Variants in APOB observed in about 807,000 individuals in gnomAD.
APOB encodes the protein apolipoprotein B-100.
In APOB, 153 loss-of-function variants were observed where a neutral mutation model predicts 314.1. The observed-to-expected ratio is 0.49, with a 90% CI of 0.43 to 0.56. The LOEUF (loss-of-function observed/expected upper bound fraction) is 0.56. APOB is among the 20% of genes least tolerant of loss of function. APOB has a pLI of 0.00. For missense variants in APOB, 5,430 were observed against 5,350.7 expected, an observed-to-expected ratio of 1.01 and a Z score of -0.46; for synonymous variants, 2,087 against 2,036.4, an observed-to-expected ratio of 1.02 and a Z score of -0.67.
chr2:21,003,052 C>A lies in APOB; in HGVS notation c.12370G>T (p.Asp4124Tyr). The A allele has an allele frequency of 6.4e-7, 1 of 1,569,480 alleles. No individual in the cohort carries two copies. Among genetic ancestry groups the A allele is most frequent in the South Asian group, 1.2e-5 (1 of 82,936 alleles). The change falls in exon 29 of 29, where the codon GAT (aspartate) becomes TAT (tyrosine). Residue 4124 changes from aspartate (D) to tyrosine (Y), a missense_variant. Asp to Tyr is a radical substitution (Grantham distance 160, BLOSUM62 -3). This residue lies in a region of APOB where 3,281 missense variants were observed against 3,171.0 expected (regional missense o/e 1.03). Coordinates refer to ENST00000233242, the MANE Select transcript of APOB (RefSeq NM_000384.3). ...TTCTGGAACCTCACGTCGATATCAT[C>A]AATTTGCCTAATGGCCCCTTGATAA... ...WVYQGAIRQI[D>Y]DIDVRFQKAA... is the part of the protein sequence containing the mutation.
At chr2:21,033,920 A>C (rs557913715) in intron 8 of APOB, among the ~76,000 whole-genome samples, 2 of 152,340 alleles carry the variant, frequency 1.3e-5, no homozygotes, top group East Asian at 3.9e-4. Flanking sequence ...TAAGAGGTAG[A>C]GCTAAAGTGG....
Position 21,008,913 on chromosome 2 carries a change from A to G in APOB, c.7955T>C (p.Ile2652Thr), listed in dbSNP as rs1221037514. The G allele has an allele frequency of 6.2e-7, 1 of 1,614,074 alleles. No homozygotes were observed. The highest frequency in any genetic ancestry group is 8.5e-7 in the Non-Finnish European group (1 of 1,179,950). The change falls in exon 26 of 29, where the codon ATC becomes ACC. Residue 2652 changes from isoleucine (I) to threonine (T), a missense_variant. By Grantham distance (89) the Ile-to-Thr change is moderately conservative. This residue lies in a region of APOB where 3,281 missense variants were observed against 3,171.0 expected (regional missense o/e 1.03). Coordinates refer to ENST00000233242, the MANE Select transcript of APOB (RefSeq NM_000384.3). ...PSRFSTPEFT[I>T]LNTFHIPSFT... ...GGAAGGAATGTGGAAGGTGTTAAGG[A>G]TGGTAAATTCTGGTGTGGAAAACCT...
At position 21,016,461 on chromosome 2, in the gene APOB, C is replaced by A. The variant is rs751879781; in HGVS notation, c.3310G>T (p.Val1104Phe). ...TACCTTAGGTGGCCCATGAGGGCGA[C>A]CTCAGTAATTTTCTTGTTCTGAATG... is the stretch of plus-strand genomic sequence containing the variant. ...LDIQNKKITE[V>F]ALMGHLSCDT... The change falls in exon 21 of 29, where the codon GTC becomes TTC. Residue 1104 changes from valine to phenylalanine, a missense_variant. Physicochemically the swap from Val to Phe is conservative, Grantham distance 50 (BLOSUM62 -1). Transcript: ENST00000233242. 1.2e-6 allele frequency: 2 copies of A among 1,609,214 alleles called. No homozygotes were observed. The highest frequency in any genetic ancestry group is 2.2e-5 in the South Asian group (2 of 90,992).
In APOB at chr2:21,007,475, T is replaced by C; in HGVS notation, c.9393A>G (p.Thr3131=). Residue 3131 remains threonine (T), a synonymous_variant, in exon 26 of 29, where the codon ACA becomes ACG. Transcript: ENST00000233242. ...TGTAAGGTAGACGCATTTCAGGAAT[T>C]GTTAAAGGAATGTTTAAGAAATCCA... ...ANLDFLNIPL[T]IPEMRLPYTI... The C allele has an allele frequency of 6.2e-7, 1 of 1,614,126 alleles. No individual in the cohort carries two copies. Among genetic ancestry groups the C allele is most frequent in the Admixed American group, 1.7e-5 (1 of 60,008 alleles).
chr2:21,005,831 G>C lies in APOB; in HGVS notation c.11037C>G (p.Val3679=). ...GGAAATCCCATAAGCTCTTGTCATA[G>C]ACTGGTAGGATGATATTTTTGAGGA... ...LRFLKNIILP[V]YDKSLWDFLK... Residue 3679 remains valine, a synonymous_variant, in exon 26 of 29, where the codon GTC becomes GTG. Transcript: ENST00000233242. 1 of 1,614,060 alleles carries C rather than the reference G, an allele frequency of 6.2e-7. No individual in the cohort carries two copies. The highest frequency in any genetic ancestry group is 8.5e-7 in the Non-Finnish European group (1 of 1,179,950).
chr2:21,029,503 G>A, intron 12 of APOB, 136 bp downstream of exon 12: 2 of 959,768 alleles, frequency 2.1e-6, no homozygotes, highest in Non-Finnish European at 3.2e-6. Context: ...GAGGAAGGAA[G>A]GAAGGAAGGA....
At chr2:21,039,544 GT>G (rs1374041822) in intron 4 of APOB, among the ~76,000 whole-genome samples, 1 of 152,202 alleles carries the variant, frequency 6.6e-6, no homozygotes, top group Non-Finnish European at 1.5e-5. Flanking sequence ...CTCTCAGAAA[GT>G]TCCCAACACG....
intron 20 of APOB, among the ~76,000 whole-genome samples, chr2:21,018,697 G>A (rs1036372273): frequency 1.3e-5 from 2 of 152,038 alleles, no homozygotes; most frequent in African/African-American, 2.4e-5. Context: ...ACCAGTCTAC[G>A]CTCTGTTTTC....
chr2:21,002,707 A>G lies in APOB; in HGVS notation c.12715T>C (p.Ser4239Pro), dbSNP rs769409367. 6.2e-7 allele frequency: 1 copy of G among 1,613,716 alleles called. No individual in the cohort carries two copies. Among genetic ancestry groups the G allele is most frequent in the African/African-American group, 1.3e-5 (1 of 74,966 alleles). ...SQVYSKVHNG[S>P]EILFSYFQDL... is the part of the protein sequence containing the mutation. ...TGGAAATAGGAAAACAGTATTTCTG[A>G]ACCATTATGGACTTTCGAATATACC... The change falls in exon 29 of 29, where the codon TCA becomes CCA. Residue 4239 changes from serine to proline, a missense_variant. Coordinates refer to ENST00000233242, the MANE Select transcript of APOB (RefSeq NM_000384.3).
In APOB at chr2:21,008,116, G is replaced by C. The variant is rs1663199870; in HGVS notation, c.8752C>G (p.His2918Asp). The C allele has an allele frequency of 6.2e-7, 1 of 1,614,006 alleles. No individual in the cohort carries two copies. The highest frequency in any genetic ancestry group is 2.2e-5 in the East Asian group (1 of 44,872). The change falls in exon 26 of 29, where the codon CAC (histidine) becomes GAC (aspartate). Residue 2918 changes from histidine (H) to aspartate (D), a missense_variant. Around this residue, in one of 3 missense-constraint regions of APOB, gnomAD observed 3,281 missense variants for 3,171.0 expected, o/e 1.03. Coordinates refer to ENST00000233242, the MANE Select transcript of APOB (RefSeq NM_000384.3). ...TTTCCAGAAGAAGTCCATGCTATGT[G>C]GCCAGCTTTCAACAGTGTCTTGATC... ...NEIKTLLKAG[H>D]IAWTSSGKGS...
In APOB at chr2:21,004,252, C is replaced by T. The variant is rs759054370; in HGVS notation, c.12087+17G>A. The stretch of plus-strand genomic sequence containing the variant: ...CACTCGCTCTTGGGGGCGTGTCACT[C>T]ATTAGGTGGTATTTACCTGAGGGCT... On this transcript the variant is annotated intron_variant, in intron 28 of 28. Transcript: ENST00000233242. The T allele has an allele frequency of 1.2e-6, 2 of 1,613,452 alleles. No individual in the cohort carries two copies. Among genetic ancestry groups the T allele is most frequent in the Non-Finnish European group, 8.5e-7 (1 of 1,179,548 alleles).
chr2:21,035,452 G>C (rs1175334670), intron 7 of APOB, 132 bp downstream of exon 7: 1 of 1,200,026 alleles, frequency 8.3e-7, no homozygotes, highest in Non-Finnish European at 1.2e-6. Flanking sequence ...AGGGGGACAG[G>C]GAGGGGCGGC....
intron 16 of APOB, chr2:21,024,568 AGATTGTATCACT>A (rs1344586095): frequency 2.3e-6 from 1 of 435,178 alleles, no homozygotes; most frequent in East Asian, 4.0e-5. Context: ...CAGTGAGCCG[AGATTGTATCACT>A]GCACTCCAGC....
In APOB at chr2:21,011,288, C is replaced by A. The variant is rs199585500; in HGVS notation, c.5580G>T (p.Gln1860His). 5 of 1,614,230 alleles carry A rather than the reference C, an allele frequency of 3.1e-6. No homozygotes were observed. The East Asian group carries it at 1.1e-4, about 36-fold the overall frequency. Residue 1860 changes from glutamine to histidine, a missense_variant, in exon 26 of 29, where the codon CAG (glutamine) becomes CAT (histidine). Physicochemically the swap from Gln to His is conservative, Grantham distance 24. Transcript: ENST00000233242. ...SYKADTVAKVQGVEFSHRLNT... is the reference protein window; with the variant it reads ...SYKADTVAKVHGVEFSHRLNT... ...TGAGCCGATGGCTAAACTCCACACC[C>A]TGAACCTTAGCAACAGTGTCTGCTT...
Position 21,012,520 on chromosome 2 carries a change from T to C in APOB, c.4348A>G (p.Lys1450Glu), listed in dbSNP as rs981757203. ...GATGCATCGAATATTAGTAAACCTT[T>C]TGAGACTGGGTTGTTTCCAAGTTTT... ...VEKLGNNPVS[K>E]GLLIFDASSS... Residue 1450 changes from lysine (K) to glutamate (E), a missense_variant, in exon 26 of 29, where the codon AAA becomes GAA. Physicochemically the swap from Lys to Glu is moderately conservative, Grantham distance 56 (BLOSUM62 1). Around this residue, in one of 3 missense-constraint regions of APOB, gnomAD observed 2,085 missense variants for 2,079.7 expected, o/e 1.00. Coordinates refer to ENST00000233242, the MANE Select transcript of APOB (RefSeq NM_000384.3). The C allele has an allele frequency of 5.1e-5, 82 of 1,614,128 alleles. No individual in the cohort carries two copies. Among genetic ancestry groups the C allele is most frequent in the Non-Finnish European group, 6.9e-5 (82 of 1,180,058 alleles).
In APOB at chr2:21,010,319, C is replaced by T. The variant is rs1284426273; in HGVS notation, c.6549G>A (p.Gln2183=). The T allele has an allele frequency of 1.9e-6, 3 of 1,554,140 alleles. No homozygotes were observed. Among genetic ancestry groups the T allele is most frequent in the Admixed American group, 1.9e-5 (1 of 52,166 alleles). The change falls in exon 26 of 29, where the codon CAG becomes CAA. Residue 2183 remains glutamine (Q), a synonymous_variant. Coordinates refer to ENST00000233242, the MANE Select transcript of APOB (RefSeq NM_000384.3). The part of the protein sequence containing the change: ...QLQTYMIQFD[Q]YIKDSYDLHD... ...GTAAATCATAACTATCTTTAATATA[C>T]TGATCAAATTGTATCATATATGTCT...
In APOB at chr2:21,023,454, AT is replaced by A. The variant is rs551943075; in HGVS notation, c.2604+70del. On this transcript the variant is annotated intron_variant, in intron 17 of 28. Coordinates refer to ENST00000233242, the MANE Select transcript of APOB (RefSeq NM_000384.3). ...TTGAAGTGGAAACACATTTTTAAAT[AT>A]GTTTTAACAAGAAATGCACCCTGGA... The A allele has an allele frequency of 5.0e-4, 767 of 1,530,892 alleles. 2 individuals carry two copies. The highest frequency in any genetic ancestry group is 4.7e-4 in the Non-Finnish European group (520 of 1,104,884). The allele number at this position is 1,530,892 out of a possible 1,614,324, so 94.8% of individuals were successfully genotyped here.
Position 21,013,482 on chromosome 2 carries a change from A to G in APOB, c.3894T>C (p.Ile1298=), listed in dbSNP as rs200535828. 27 of 1,614,190 alleles carry G rather than the reference A, an allele frequency of 1.7e-5. No individual in the cohort carries two copies. The East Asian group carries it at 5.6e-4, about 33-fold the overall frequency. The stretch of plus-strand genomic sequence containing the variant: ...AGGATTTGCCACCAAAAGGCAAAGG[A>G]ATCTCAATTTTCAAACTGTTCTTGT... ...TLNKNSLKIE[I]PLPFGGKSSR... The change falls in exon 25 of 29, where the codon ATT becomes ATC. Residue 1298 remains isoleucine, a synonymous_variant. Coordinates refer to ENST00000233242, the MANE Select transcript of APOB (RefSeq NM_000384.3).
chr2:21,037,869 A>G (rs1024123638), intron 5 of APOB, 89 bp downstream of exon 5: 39 of 1,510,902 alleles, frequency 2.6e-5, no homozygotes, highest in Non-Finnish European at 3.1e-5. Context: ...GAGCTGACTC[A>G]GTGATCTGCT....
Sources: gnomAD v4.1 joint callset for allele counts (sites outside exome capture counted in the v4.1 genomes callset) on GRCh38, gnomAD v4.1.1 for gene constraint, gnomAD v4.1.1 regional missense constraint, MANE v1.5 for transcripts, NCBI Gene and HGNC (gene_info 2026-07-23, HGNC 2026-07-21) for gene names.